GRIN1: variants seen among roughly 807,000 people sequenced by gnomAD.
The protein encoded by GRIN1 is glutamate receptor ionotropic, NMDA 1.
In GRIN1, 38 loss-of-function variants were observed where a neutral mutation model predicts 103.0. That is an observed-to-expected ratio of 0.37 (90% CI 0.28 to 0.48). The LOEUF is 0.48. Among genes scored for constraint, GRIN1 ranks in the 20% least tolerant of loss-of-function variants. GRIN1 has a pLI of 0.98. For missense variants in GRIN1, 577 were observed against 1,288.9 expected (o/e 0.45, Z 8.46); for synonymous variants, 544 against 532.7 (o/e 1.02, Z -0.29).
intron 4 of GRIN1, among the ~76,000 whole-genome samples, chr9:137,153,165 A>C (rs1833006241): frequency 2.0e-5 from 3 of 150,800 alleles, no homozygotes; most frequent in Admixed American, 6.6e-5. Flanking sequence ...CCACTCATAG[A>C]TCTCTACCCA....
chr9:137,157,191 A>C (rs1164597246), intron 6 of GRIN1, among the ~76,000 whole-genome samples, 154 bp downstream of exon 6: 1 of 29,962 alleles, frequency 3.3e-5, no homozygotes, highest in Admixed American at 4.7e-4. Flanking sequence ...GGCCGCTCTT[A>C]GGGAGCTGGG....
rs1458644294 is a variant in GRIN1, at chr9:137,142,030, T to C, written c.276T>C (p.Val92=). The change falls in exon 2 of 20, where the codon GTT becomes GTC. Residue 92 remains valine, a synonymous_variant. Transcript: ENST00000371561. The part of the protein sequence containing the change: ...LISSQVYAIL[V]SHPPTPNDHF... Reference sequence around the variant, plus strand: ...GTCCACAGGTCTACGCCATCCTAGTTAGCCATCCACCTACCCCCAACGACC... The same window carrying C: ...GTCCACAGGTCTACGCCATCCTAGTCAGCCATCCACCTACCCCCAACGACC... The C allele has an allele frequency of 5.0e-6, 8 of 1,613,990 alleles. No individual in the cohort carries two copies. The Admixed American group carries it at 5.0e-5, about 10-fold the overall frequency.
rs1833616244 is a variant in GRIN1, at chr9:137,162,536, G to C, written c.1864+20G>C. The C allele has an allele frequency of 6.2e-7, 1 of 1,610,182 alleles. No homozygotes were observed. Among genetic ancestry groups the C allele is most frequent in the Non-Finnish European group, 8.5e-7 (1 of 1,178,548 alleles). On this transcript the variant is annotated intron_variant, in intron 13 of 19. Transcript: ENST00000371561. Reference sequence around the variant, plus strand: ...GGGAAGGTAAGGCCCCGCCCGGCCCGCCTGGTCCCGCCTCGGCCCTCTAGG... The same window carrying C: ...GGGAAGGTAAGGCCCCGCCCGGCCCCCCTGGTCCCGCCTCGGCCCTCTAGG...
At chr9:137,163,085 C>A (rs1411407244) in intron 15 of GRIN1, 82 bp downstream of exon 15, 1 of 1,574,962 alleles carries the variant, frequency 6.3e-7, no homozygotes, top group Non-Finnish European at 8.6e-7. Context: ...GGAGAGCGTC[C>A]GGGCCGGGCA....
chr9:137,151,899 CTTT>C (rs138380793), intron 4 of GRIN1, among the ~76,000 whole-genome samples: 92 of 93,458 alleles, frequency 9.8e-4, no homozygotes, highest in Middle Eastern at 9.1e-3. Context: ...CTTGTGGCCT[CTTT>C]TTTTTTTTTT....
chr9:137,147,306 G>A (rs1326447447), intron 3 of GRIN1, among the ~76,000 whole-genome samples: 1 of 150,808 alleles, frequency 6.6e-6, no homozygotes, highest in African/African-American at 2.4e-5. Flanking sequence ...ACCTGGACAC[G>A]CACAGGTGCG....
Position 137,160,537 on chromosome 9 carries a change from C to T in GRIN1, c.1198-519C>T, listed in dbSNP as rs562486648. Among the ~76,000 whole-genome samples, 350 of 152,334 alleles carry T rather than the reference C, an allele frequency of 2.3e-3. 1 individual carries two copies. Among genetic ancestry groups the T allele is most frequent in the African/African-American group, 7.9e-3 (328 of 41,572 alleles). The stretch of plus-strand genomic sequence containing the variant: ...CTCCGCCTCCCGGGTTCACGCCATT[C>T]TCCTGCCTCAGCCTCCTGAGTAGCT... On this transcript the variant is annotated intron_variant, in intron 8 of 19. Coordinates refer to ENST00000371561, the MANE Select transcript of GRIN1 (RefSeq NM_007327.4).
chr9:137,168,617 C>G lies in GRIN1; in HGVS notation c.*1090C>G, dbSNP rs897684585. The G allele has an allele frequency of 1.2e-5, 4 of 338,492 alleles. No homozygotes were observed. The highest frequency in any genetic ancestry group is 1.1e-5 in the Non-Finnish European group (2 of 190,398). The allele number at this position is 338,492 out of a possible 1,614,324, so 21.0% of individuals were successfully genotyped here. A position where few individuals can be genotyped will look rare whatever the true frequency, so the allele number is the denominator to read the frequency against. On this transcript the variant is annotated 3_prime_UTR_variant, in exon 20 of 20. Coordinates refer to ENST00000371561, the MANE Select transcript of GRIN1 (RefSeq NM_007327.4). ...GCCACCTTGTACAGAACCAGCACTC[C>G]CAGGGCCCGAGCGCGTGCCTTCCCC... is the stretch of plus-strand genomic sequence containing the variant.
chr9:137,149,254 C>T, intron 4 of GRIN1, 145 bp downstream of exon 4: 1 of 690,592 alleles, frequency 1.4e-6, no homozygotes, highest in Non-Finnish European at 2.6e-6. Context: ...ACCCCCACCC[C>T]CACCCGCACC....
chr9:137,161,812 G>C, intron 10 of GRIN1, 112 bp from the exon 11 acceptor site: 1 of 1,101,774 alleles, frequency 9.1e-7, no homozygotes, highest in Non-Finnish European at 1.3e-6. Flanking sequence ...AGCTGGGTAG[G>C]GTCTTGGGGA....
chr9:137,140,456 C>T (rs1464037087), intron 1 of GRIN1, among the ~76,000 whole-genome samples: 5 of 152,266 alleles, frequency 3.3e-5, no homozygotes, highest in African/African-American at 9.6e-5. Flanking sequence ...ACCGCTCACA[C>T]GTGCCTACCT....
At chr9:137,148,376 G>T (rs1017264127) in intron 3 of GRIN1, among the ~76,000 whole-genome samples, 1 of 152,320 alleles carries the variant, frequency 6.6e-6, no homozygotes, top group African/African-American at 2.4e-5. Flanking sequence ...GAGAGGGCAG[G>T]CGTGGCGGCG....
chr9:137,165,903 G>A (rs1351277777), intron 19 of GRIN1, among the ~76,000 whole-genome samples: 2 of 152,216 alleles, frequency 1.3e-5, no homozygotes, highest in Non-Finnish European at 2.9e-5. Context: ...GGGGCTGGGG[G>A]CCGGGCCTGG....
At chr9:137,155,053 A>T (rs1364750540) in intron 4 of GRIN1, among the ~76,000 whole-genome samples, 2 of 152,266 alleles carry the variant, frequency 1.3e-5, no homozygotes, top group Admixed American at 6.5e-5. Context: ...TAGCATGCAG[A>T]TAATTTGTTT....
rs1271885289 is a variant in GRIN1 at position 137,157,096 on chromosome 9, C to G, written c.968+59C>G. The stretch of plus-strand genomic sequence containing the variant: ...GCTCTTGGGGAGGTGGGCGGGGTCA[C>G]TCCAGAGATGGGCGGGGCCGCTCTT... On this transcript the variant is annotated intron_variant, in intron 6 of 19. Coordinates refer to ENST00000371561, the MANE Select transcript of GRIN1 (RefSeq NM_007327.4). The G allele has an allele frequency of 7.2e-6, 10 of 1,387,958 alleles. No individual in the cohort carries two copies. The East Asian group carries it at 1.2e-4, about 17-fold the overall frequency. The allele number at this position is 1,387,958 out of a possible 1,614,324, so 86.0% of individuals were successfully genotyped here. A position where few individuals can be genotyped will look rare whatever the true frequency, so the allele number is the denominator to read the frequency against.
intron 4 of GRIN1, among the ~76,000 whole-genome samples, chr9:137,152,037 G>A (rs1832947705): frequency 6.6e-6 from 1 of 151,054 alleles, no homozygotes; most frequent in African/African-American, 2.4e-5. Context: ...CTCCCAAGTA[G>A]CTGGGACTAC....
chr9:137,147,477 C>T (rs1281518728), intron 3 of GRIN1, among the ~76,000 whole-genome samples: 10 of 152,076 alleles, frequency 6.6e-5, no homozygotes, highest in Non-Finnish European at 8.8e-5. Flanking sequence ...CACACGCACA[C>T]ACAAGCACGC....
At chr9:137,148,278 A>G in intron 3 of GRIN1, 1 of 1,073,782 alleles carries the variant, frequency 9.3e-7, no homozygotes, top group South Asian at 1.4e-5. Flanking sequence ...CGCCTCGGCC[A>G]CTAGGGCCAC....
At chr9:137,157,272 G>A (rs1833289521) in intron 6 of GRIN1, among the ~76,000 whole-genome samples, 1 of 152,128 alleles carries the variant, frequency 6.6e-6, no homozygotes, top group South Asian at 2.1e-4. Flanking sequence ...GGAGGTGGGC[G>A]GCGTCGCTCT....
Sources: gnomAD v4.1 joint callset for allele counts (sites outside exome capture counted in the v4.1 genomes callset) on GRCh38, gnomAD v4.1.1 for gene constraint, MANE v1.5 for transcripts, NCBI Gene and HGNC (gene_info 2026-07-23, HGNC 2026-07-21) for gene names.